Variants in COL4A2 observed in about 807,000 individuals in gnomAD.
COL4A2 encodes the protein collagen type IV alpha 2 chain, also known as collagen alpha-2(IV) chain.
In COL4A2, 99 loss-of-function variants were observed where a neutral mutation model predicts 200.2. The observed-to-expected ratio is 0.49, with a 90% CI of 0.42 to 0.58. The LOEUF (loss-of-function observed/expected upper bound fraction) is 0.58. Among genes scored for constraint, COL4A2 ranks in the 20% least tolerant of loss-of-function variants. The probability of loss-of-function intolerance (pLI) is 0.00; values close to 1 mark genes in which losing one functional copy is unlikely to be tolerated. For synonymous variants in COL4A2, 897 were observed against 900.6 expected (o/e 1.00, Z 0.07); for missense variants, 1,950 against 2,314.1 (o/e 0.84, Z 3.23).
At chr13:110,447,783 G>A (rs1449764920) in intron 18 of COL4A2, among the ~76,000 whole-genome samples, 1 of 152,154 alleles carries the variant, frequency 6.6e-6, no homozygotes, top group Non-Finnish European at 1.5e-5. Flanking sequence ...CAGGCATTGT[G>A]AAGGGTAGGG....
At chr13:110,409,950 GC>G (rs1879764847) in intron 4 of COL4A2, among the ~76,000 whole-genome samples, 2 of 151,712 alleles carry the variant, frequency 1.3e-5, no homozygotes, top group Non-Finnish European at 2.9e-5. Context: ...CGTCCCGCCC[GC>G]CCCAGAGCCA....
At chr13:110,336,306 G>A (rs558426998) in intron 3 of COL4A2, among the ~76,000 whole-genome samples, 15 of 152,236 alleles carry the variant, frequency 9.9e-5, no homozygotes, top group South Asian at 6.2e-4. Context: ...CGCTGCACTC[G>A]GAAAGTTGAG....
chr13:110,409,879 G>A (rs1349791521), intron 4 of COL4A2, among the ~76,000 whole-genome samples: 3 of 152,090 alleles, frequency 2.0e-5, no homozygotes, highest in African/African-American at 7.2e-5. Flanking sequence ...GATAGCACCA[G>A]CCCTTTGTTA....
At chr13:110,484,582 C>G (rs1264241659) in intron 32 of COL4A2, among the ~76,000 whole-genome samples, 1 of 152,166 alleles carries the variant, frequency 6.6e-6, no homozygotes, top group East Asian at 1.9e-4. Flanking sequence ...GCACACACAA[C>G]AAAATGACCT....
At chr13:110,485,541 A>AG (rs1566561639) in intron 33 of COL4A2, 114 bp from the exon 34 acceptor site, 5 of 608,828 alleles carry the variant, frequency 8.2e-6, no homozygotes, top group Non-Finnish European at 8.1e-6. Flanking sequence ...AAAAAAAAAA[A>AG]AAAAAGATTC....
In COL4A2 at chr13:110,512,181, A is replaced by G; in HGVS notation, c.5129A>G (p.Lys1710Arg). The G allele has an allele frequency of 1.9e-6, 3 of 1,612,498 alleles. No homozygotes were observed. Among genetic ancestry groups the G allele is most frequent in the Non-Finnish European group, 2.5e-6 (3 of 1,179,422 alleles). The part of the protein sequence containing the change: ...THISRCQVCM[K>R]NL ...ATCAGCCGCTGCCAGGTGTGCATGA[A>G]GAACCTGTGAGCCGGCGCGTGCCAG... is the stretch of plus-strand genomic sequence containing the variant. Residue 1710 changes from lysine to arginine, a missense_variant, in exon 48 of 48, where the codon AAG becomes AGG. By Grantham distance (26) the Lys-to-Arg change is conservative. Coordinates refer to ENST00000360467, the MANE Select transcript of COL4A2 (RefSeq NM_001846.4).
chr13:110,450,493 G>A (rs1881498923), intron 20 of COL4A2, 39 bp downstream of exon 20: 2 of 1,608,624 alleles, frequency 1.2e-6, no homozygotes, highest in Non-Finnish European at 8.5e-7. Context: ...GTAGCCTAAT[G>A]TTCAGATGAA....
chr13:110,499,730 T>C (rs912805675), intron 40 of COL4A2, among the ~76,000 whole-genome samples: 1 of 152,232 alleles, frequency 6.6e-6, no homozygotes, highest in South Asian at 2.1e-4. Flanking sequence ...TGAGAAATCA[T>C]AGCGGTTTCC....
intron 22 of COL4A2, 27 bp downstream of exon 22, chr13:110,458,961 G>A (rs564925504): frequency 6.6e-7 from 1 of 1,516,266 alleles, no homozygotes; most frequent in South Asian, 1.3e-5. Flanking sequence ...TCATGAAGCT[G>A]GCAAGACACT....
At chr13:110,501,591 TG>T in intron 40 of COL4A2, 76 bp from the exon 41 acceptor site, 1 of 1,240,134 alleles carries the variant, frequency 8.1e-7, no homozygotes, top group Non-Finnish European at 1.2e-6. Context: ...CCACAGGTGA[TG>T]GTGTGGAGGG....
intron 26 of COL4A2, 132 bp downstream of exon 26, chr13:110,466,194 C>CTCTGTTGTGCCATGG: frequency 9.3e-7 from 1 of 1,075,150 alleles, no homozygotes; most frequent in Non-Finnish European, 1.3e-6. Flanking sequence ...TTCCATGGCA[C>CTCTGTTGTGCCATGG]AACATAGTGG....
At chr13:110,442,335 T>C (rs1328968223) in intron 16 of COL4A2, among the ~76,000 whole-genome samples, 1 of 152,200 alleles carries the variant, frequency 6.6e-6, no homozygotes, top group African/African-American at 2.4e-5. Flanking sequence ...TTTACTCAAC[T>C]ATAGAAATGG....
At chr13:110,354,050 G>A (rs1035367288) in intron 3 of COL4A2, among the ~76,000 whole-genome samples, 1 of 152,216 alleles carries the variant, frequency 6.6e-6, no homozygotes, top group African/African-American at 2.4e-5. Context: ...AGAATAAGGA[G>A]TCTGTTAGAT....
At chr13:110,423,597 T>C (rs1880345055) in intron 4 of COL4A2, among the ~76,000 whole-genome samples, 1 of 152,220 alleles carries the variant, frequency 6.6e-6, no homozygotes, top group Non-Finnish European at 1.5e-5. Context: ...CATATTGGCG[T>C]GTCTGATTCA....
Position 110,509,270 on chromosome 13 carries a change from T to TACAC in COL4A2, c.4881+1073_4881+1076dup, listed in dbSNP as rs60333796. On this transcript the variant is annotated intron_variant, in intron 47 of 47. Transcript: ENST00000360467. ...TTATATATATATATATATATATATA[T>TACAC]ACACACACACACACACACACACACA... is the stretch of plus-strand genomic sequence containing the variant. 6.1e-3 allele frequency among the ~76,000 whole-genome samples: 700 copies of TACAC among 115,556 alleles called. 17 individuals carry two copies. Among genetic ancestry groups the TACAC allele is most frequent in the East Asian group, 0.027 (97 of 3,534 alleles). 75.8% of individuals were successfully genotyped at this position (115,556 alleles called of 152,430 possible). A position where few individuals can be genotyped will look rare whatever the true frequency, so the allele number is the denominator to read the frequency against.
chr13:110,314,753 G>C (rs896306372), intron 3 of COL4A2, among the ~76,000 whole-genome samples: 2 of 152,208 alleles, frequency 1.3e-5, no homozygotes, highest in African/African-American at 4.8e-5. Flanking sequence ...CCCTAGGAAC[G>C]CATCAGGCAG....
chr13:110,359,078 C>G (rs191017103), intron 4 of COL4A2, among the ~76,000 whole-genome samples: 2 of 152,182 alleles, frequency 1.3e-5, no homozygotes, highest in Non-Finnish European at 2.9e-5. Context: ...CTAGGGAGCA[C>G]TGGCAGTTGT....
chr13:110,505,377 G>A (rs932767861), intron 45 of COL4A2, among the ~76,000 whole-genome samples: 2 of 152,140 alleles, frequency 1.3e-5, no homozygotes, highest in Non-Finnish European at 2.9e-5. Flanking sequence ...TTAAACATGG[G>A]TAGTACTATT....
At chr13:110,422,895 T>G (rs1271767996) in intron 4 of COL4A2, among the ~76,000 whole-genome samples, 1 of 152,222 alleles carries the variant, frequency 6.6e-6, no homozygotes, top group Non-Finnish European at 1.5e-5. Flanking sequence ...GCTGCGTTTT[T>G]AAATTCCCAT....
Sources: allele counts gnomAD v4.1 joint callset (sites outside exome capture counted in the v4.1 genomes callset), GRCh38; gene constraint gnomAD v4.1.1; transcripts MANE v1.5; gene names NCBI Gene and HGNC (gene_info 2026-07-23, HGNC 2026-07-21).